The following DNAH9 variants were observed in gnomAD, a reference collection of about 807,000 sequenced individuals.
DNAH9 encodes the protein DNAH9 variant protein.
In DNAH9, 345 loss-of-function variants were observed where a neutral mutation model predicts 471.6. That is an observed-to-expected ratio of 0.73 (90% CI 0.67 to 0.80). The LOEUF (loss-of-function observed/expected upper bound fraction) is 0.80. DNAH9 is among the 30% of genes least tolerant of loss of function. DNAH9 has a pLI of 0.00. For synonymous variants in DNAH9, 2,093 were observed against 2,123.6 expected, an observed-to-expected ratio of 0.99 and a Z score of 0.40; for missense variants, 5,407 against 5,609.2, an observed-to-expected ratio of 0.96 and a Z score of 1.15.
At chr17:11,831,431 G>T (rs1970681681) in intron 48 of DNAH9, among the ~76,000 whole-genome samples, 1 of 152,014 alleles carries the variant, frequency 6.6e-6, no homozygotes, top group African/African-American at 2.4e-5. Flanking sequence ...CACCCCCACA[G>T]GAAGGGCATT....
In DNAH9 at chr17:11,694,640, T is replaced by TGCTTTCTCGCTTTCTC. The variant is rs1285813338; in HGVS notation, c.4872+242_4872+257dup. Among the ~76,000 whole-genome samples the TGCTTTCTCGCTTTCTC allele has an allele frequency of 2.3e-3, 6 of 2,664 alleles. 1 individual carries two copies. The highest frequency in any genetic ancestry group is 3.4e-3 in the African/African-American group (6 of 1,788). The allele number at this position is 2,664 out of a possible 152,430, so 1.7% of individuals were successfully genotyped here. A position where few individuals can be genotyped will look rare whatever the true frequency, so the allele number is the denominator to read the frequency against. ...TTGCTTTCTTGCTTTCTTGCTTTCTTGCTTTCTCGCTTTCTCGCTTTCTCG... is the reference window on the plus strand; with the variant it reads ...TTGCTTTCTTGCTTTCTTGCTTTCTTGCTTTCTCGCTTTCTCGCTTTCTCGCTTTCTCGCTTTCTCG... On this transcript the variant is annotated intron_variant, in intron 22 of 68. Transcript: ENST00000262442.
intron 67 of DNAH9, among the ~76,000 whole-genome samples, chr17:11,960,464 C>CAAAAAAAAAAAAAA (rs1976026483): frequency 3.5e-5 from 3 of 86,458 alleles, no homozygotes; most frequent in Non-Finnish European, 4.6e-5. Context: ...AAAAAAAAAT[C>CAAAAAAAAAAAAAA]CAAAAGTGGC....
At position 11,650,613 on chromosome 17, in the gene DNAH9, G is replaced by A. The variant is rs149583254; in HGVS notation, c.2098-456G>A. On this transcript the variant is annotated intron_variant, in intron 12 of 68. Transcript: ENST00000262442. ...CTCCTCTCAATCCTGCCAGTGTCTC[G>A]CTATAACTGTTTCATTTGGAGAGAA... Among the ~76,000 whole-genome samples the A allele has an allele frequency of 8.9e-3, 1,352 of 152,258 alleles. 7 individuals carry two copies. The highest frequency in any genetic ancestry group is 0.014 in the Non-Finnish European group (959 of 68,012).
intron 49 of DNAH9, among the ~76,000 whole-genome samples, chr17:11,839,291 C>T (rs896278749): frequency 2.0e-4 from 30 of 151,436 alleles, no homozygotes; most frequent in African/African-American, 6.8e-4. Flanking sequence ...CCGAGGCGGG[C>T]GGATCACGAG....
chr17:11,744,989 G>T lies in DNAH9; in HGVS notation c.6304G>T (p.Asp2102Tyr), dbSNP rs771244959. The T allele has an allele frequency of 6.2e-7, 1 of 1,614,134 alleles. No individual in the cohort carries two copies. The highest frequency in any genetic ancestry group is 2.2e-5 in the East Asian group (1 of 44,872). ...GLIGDLFPALDVPRRRDPNFE... is the reference protein window; with the variant it reads ...GLIGDLFPALYVPRRRDPNFE... ...GATCGGGGACCTCTTTCCCGCCCTG[G>T]ATGTCCCCCGGAGGAGAGACCCCAA... The change falls in exon 31 of 69, where the codon GAT becomes TAT. Residue 2102 changes from aspartate to tyrosine, a missense_variant. Asp to Tyr is a radical substitution (Grantham distance 160). Coordinates refer to ENST00000262442, the MANE Select transcript of DNAH9 (RefSeq NM_001372.4).
At chr17:11,796,680 G>A (rs1456742969) in intron 42 of DNAH9, among the ~76,000 whole-genome samples, 1 of 152,146 alleles carries the variant, frequency 6.6e-6, no homozygotes, top group Non-Finnish European at 1.5e-5. Flanking sequence ...CGACAGGTGC[G>A]GACAACTGCT....
intron 43 of DNAH9, among the ~76,000 whole-genome samples, chr17:11,801,943 T>C (rs1414181769): frequency 6.6e-6 from 1 of 152,054 alleles, no homozygotes; most frequent in Non-Finnish European, 1.5e-5. Flanking sequence ...TTCCATAGGC[T>C]TATAAACAAA....
intron 52 of DNAH9, among the ~76,000 whole-genome samples, chr17:11,874,197 A>G (rs1267017189): frequency 6.9e-6 from 1 of 145,842 alleles, no homozygotes; most frequent in Non-Finnish European, 1.5e-5. Context: ...TGGAGCTGAG[A>G]TGACGCCATT....
In DNAH9 at chr17:11,623,272, C is replaced by T. The variant is rs151015557; in HGVS notation, c.1350+3491C>T. On this transcript the variant is annotated intron_variant, in intron 6 of 68. Transcript: ENST00000262442. The surrounding 1 kb of genome is among the most constrained non-coding windows in gnomAD (Gnocchi z 4.1). ...TACAGGTGTGAGCCACCGTGCCCGG[C>T]CAGCATTTCTTTTCTTGACTGTGTT... is the stretch of plus-strand genomic sequence containing the variant. Among the ~76,000 whole-genome samples, 2,543 of 152,238 alleles carry T rather than the reference C, an allele frequency of 0.017. 22 individuals carry two copies. Among genetic ancestry groups the T allele is most frequent in the Non-Finnish European group, 0.026 (1,782 of 68,010 alleles).
chr17:11,898,462 G>T lies in DNAH9; in HGVS notation c.11406+3966G>T, dbSNP rs560044228. Among the ~76,000 whole-genome samples the T allele has an allele frequency of 2.6e-5, 4 of 152,214 alleles. No homozygotes were observed. The South Asian group carries it at 8.3e-4, about 32-fold the overall frequency. ...AGGCCACCAGTCATAATAGATTAGG[G>T]TCCACACTAGTGACTTCTTTGTGAC... On this transcript the variant is annotated intron_variant, in intron 59 of 68. Transcript: ENST00000262442.
Position 11,679,763 on chromosome 17 carries a change from C to A in DNAH9, c.3360C>A (p.Ala1120=). 6.2e-7 allele frequency: 1 copy of A among 1,612,902 alleles called. No individual in the cohort carries two copies. The highest frequency in any genetic ancestry group is 1.1e-5 in the South Asian group (1 of 91,046). The change falls in exon 18 of 69, where the codon GCC becomes GCA. Residue 1120 remains alanine, a synonymous_variant. Transcript: ENST00000262442. ...HLVDHVTHSL[A]NLDAFIKKSE... is the part of the protein sequence containing the mutation. ...TTCTGTTTGTGTTGATTAGCTTGGC[C>A]AACCTGGATGCGTTTATAAAGAAGA...
At chr17:11,673,599 TTG>T (rs1456876722) in intron 17 of DNAH9, among the ~76,000 whole-genome samples, 4 of 98,466 alleles carry the variant, frequency 4.1e-5, no homozygotes, top group Non-Finnish European at 8.6e-5. Context: ...GTGTTTATAT[TTG>T]TTTTTTTTTT....
chr17:11,807,778 C>A lies in DNAH9; in HGVS notation c.8467C>A (p.Leu2823Met), dbSNP rs61746582. Residue 2823 changes from leucine to methionine, a missense_variant, in exon 44 of 69, where the codon CTG (leucine) becomes ATG (methionine). By Grantham distance (15) the Leu-to-Met change is conservative. Around this residue, in one of 3 missense-constraint regions of DNAH9, gnomAD observed 4,636 missense variants for 4,900.3 expected, o/e 0.95. Transcript: ENST00000262442. ...GGAGTCCCCGCGGGGAAATGCTCTGCTGGTTGGTGTAGGTGGGAGCGGCAA... is the reference window on the plus strand; with the variant it reads ...GGAGTCCCCGCGGGGAAATGCTCTGATGGTTGGTGTAGGTGGGAGCGGCAA... ...ILESPRGNALLVGVGGSGKQS... is the reference protein window; with the variant it reads ...ILESPRGNALMVGVGGSGKQS... 267 of 1,613,876 alleles carry A rather than the reference C, an allele frequency of 1.7e-4. No individual in the cohort carries two copies. The African/African-American group carries it at 3.3e-3, about 20-fold the overall frequency.
intron 63 of DNAH9, among the ~76,000 whole-genome samples, chr17:11,930,388 A>G (rs1005362368): frequency 6.6e-6 from 1 of 152,136 alleles, no homozygotes; most frequent in African/African-American, 2.4e-5. Context: ...GCACGTTGTT[A>G]TACATCTCAT....
intron 67 of DNAH9, among the ~76,000 whole-genome samples, chr17:11,960,979 C>G (rs1420081548): frequency 1.3e-5 from 2 of 151,998 alleles, no homozygotes; most frequent in Non-Finnish European, 2.9e-5. Context: ...AAGAAATTGC[C>G]ACAGATCATT....
intron 26 of DNAH9, among the ~76,000 whole-genome samples, chr17:11,705,887 C>T (rs1201182881): frequency 6.6e-6 from 1 of 151,938 alleles, no homozygotes; most frequent in African/African-American, 2.4e-5. Flanking sequence ...TACTGGTAAC[C>T]CCCTCACCTC....
intron 38 of DNAH9, among the ~76,000 whole-genome samples, chr17:11,774,527 T>C: frequency 6.6e-6 from 1 of 152,072 alleles, no homozygotes; most frequent in East Asian, 1.9e-4. Flanking sequence ...AGCGTGTGTG[T>C]GGGGGAACTG....
intron 41 of DNAH9, among the ~76,000 whole-genome samples, chr17:11,789,407 T>C (rs756653625): frequency 1.3e-5 from 2 of 152,090 alleles, no homozygotes; most frequent in African/African-American, 2.4e-5. Flanking sequence ...TATTTCTTCA[T>C]GTGTCAGTCA....
At chr17:11,850,530 C>T (rs955195158) in intron 49 of DNAH9, among the ~76,000 whole-genome samples, 2 of 152,004 alleles carry the variant, frequency 1.3e-5, no homozygotes, top group Non-Finnish European at 2.9e-5. Context: ...TGCCTGTAAT[C>T]CCAGCTGTAA....
Sources: allele counts gnomAD v4.1 joint callset (sites outside exome capture counted in the v4.1 genomes callset), GRCh38; gene constraint gnomAD v4.1.1; regional missense constraint gnomAD v4.1.1; non-coding constraint Gnocchi (gnomAD v3.1); transcripts MANE v1.5; gene names NCBI Gene and HGNC (gene_info 2026-07-23, HGNC 2026-07-21).